Variants in ACOT1 observed in about 807,000 individuals in gnomAD.
ACOT1 encodes the protein acyl-coenzyme A thioesterase 1.
In ACOT1, 8 loss-of-function variants were observed where a neutral mutation model predicts 15.7. The observed-to-expected ratio is 0.51, with a 90% confidence interval of 0.30 to 0.92. The LOEUF is 0.92. Among genes scored for constraint, ACOT1 ranks in the 40% least tolerant of loss-of-function variants. The probability of loss-of-function intolerance (pLI) is 0.06; values close to 1 mark genes in which losing one functional copy is unlikely to be tolerated. For synonymous variants in ACOT1, 67 were observed against 241.2 expected (o/e 0.28, Z 6.69); for missense variants, 151 against 539.4 (o/e 0.28, Z 7.13).
chr14:73,499,253 G>C, the ACOT1 span: 35 of 871,976 alleles, frequency 4.0e-5, no homozygotes, highest in East Asian at 8.6e-4. Flanking sequence ...TGCCAAGGTG[G>C]GCGGATCACT....
At chr14:73,533,675 A>G (rs1226666512), upstream of ACOT1, among the ~76,000 whole-genome samples, 1 of 110,146 alleles carries the variant, frequency 9.1e-6, no homozygotes, top group African/African-American at 3.0e-5. Context: ...GCAAGACTCC[A>G]AAAGTTCTGG....
chr14:73,530,794 ATTT>A, the ACOT1 span, among the ~76,000 whole-genome samples: 623 of 56,912 alleles, frequency 0.011, 4 homozygotes, highest in East Asian at 0.018. Flanking sequence ...TCTCGGTTAA[ATTT>A]TTTTTTTTTT....
the ACOT1 span, among the ~76,000 whole-genome samples, chr14:73,524,606 G>A: frequency 1.3e-5 from 2 of 150,164 alleles, no homozygotes; most frequent in South Asian, 4.3e-4. Flanking sequence ...GTTCAGAGAG[G>A]TAGGTAAATT....
chr14:73,494,557 G>GT, the ACOT1 span, among the ~76,000 whole-genome samples: 1 of 151,986 alleles, frequency 6.6e-6, no homozygotes, highest in Non-Finnish European at 1.5e-5. Context: ...TTGTTTGTTT[G>GT]TTTTTTTGTT....
chr14:73,506,802 C>CTTTTTTTTTTTTTTTT, the ACOT1 span, among the ~76,000 whole-genome samples: 2 of 58,024 alleles, frequency 3.4e-5, no homozygotes, highest in Non-Finnish European at 5.7e-5. Flanking sequence ...CTGACTTTAA[C>CTTTTTTTTTTTTTTTT]TGTTTTTTTT....
At chr14:73,500,740 A>C in the ACOT1 span, 1 of 1,610,084 alleles carries the variant, frequency 6.2e-7, no homozygotes, top group Non-Finnish European at 8.5e-7. Context: ...CCTGTAAGGC[A>C]CAAGTTGCTT....
At chr14:73,527,663 T>C in the ACOT1 span, among the ~76,000 whole-genome samples, 1 of 151,886 alleles carries the variant, frequency 6.6e-6, no homozygotes, top group African/African-American at 2.4e-5. Context: ...ATTGGTGAGC[T>C]TGAAGACAGG....
chr14:73,535,497 T>C (rs1287277233), upstream of ACOT1, among the ~76,000 whole-genome samples: 122 of 56,942 alleles, frequency 2.1e-3, 29 homozygotes, highest in African/African-American at 9.0e-3. Context: ...TTTTTTTTTT[T>C]TTTTTTTTTT....
At chr14:73,497,915 C>G in the ACOT1 span, among the ~76,000 whole-genome samples, 1 of 152,200 alleles carries the variant, frequency 6.6e-6, no homozygotes, top group African/African-American at 2.4e-5. Flanking sequence ...CGTGAGTCAT[C>G]ACACCCGGCC....
chr14:73,496,591 A>G, the ACOT1 span: 1 of 1,568,306 alleles, frequency 6.4e-7, no homozygotes, highest in Non-Finnish European at 8.8e-7. Flanking sequence ...CAGAGCTTGC[A>G]CTTATTTACC....
chr14:73,524,293 CAA>C, the ACOT1 span, among the ~76,000 whole-genome samples: 9,765 of 55,670 alleles, frequency 0.18, 549 homozygotes, highest in Middle Eastern at 0.36. Flanking sequence ...AACTCCGTCT[CAA>C]AAAAAAAAAA....
At chr14:73,498,469 G>A in the ACOT1 span, 2 of 810,860 alleles carry the variant, frequency 2.5e-6, no homozygotes, top group South Asian at 3.8e-5. Flanking sequence ...TAGAATTTTA[G>A]GGATAGGTCA....
the ACOT1 span, among the ~76,000 whole-genome samples, chr14:73,531,918 G>C: frequency 8.7e-6 from 1 of 114,442 alleles, no homozygotes; most frequent in African/African-American, 2.8e-5. Flanking sequence ...TGTAATCCCA[G>C]CTACTTGGGA....
the ACOT1 span, chr14:73,492,368 C>T: frequency 6.2e-7 from 1 of 1,613,690 alleles, no homozygotes; most frequent in Non-Finnish European, 8.5e-7. This position sits in a 1 kb window ranked among gnomAD's most constrained non-coding sequence, Gnocchi z 4.9. Context: ...TGTGGAGTTT[C>T]GGAGGGGTCT....
chr14:73,497,149 G>A, the ACOT1 span, among the ~76,000 whole-genome samples: 1 of 152,142 alleles, frequency 6.6e-6, no homozygotes, highest in Non-Finnish European at 1.5e-5. Context: ...ACCCGCCTTG[G>A]CCTCCCAAAG....
At chr14:73,513,117 G>A in the ACOT1 span, among the ~76,000 whole-genome samples, 1 of 152,200 alleles carries the variant, frequency 6.6e-6, no homozygotes, top group East Asian at 1.9e-4. Flanking sequence ...AGCATATTTT[G>A]TTCTTCCCTT....
chr14:73,529,746 G>A, the ACOT1 span, among the ~76,000 whole-genome samples: 1 of 152,168 alleles, frequency 6.6e-6, no homozygotes, highest in Admixed American at 6.6e-5. Context: ...TGTGCTAAAA[G>A]GAGTAATATC....
the ACOT1 span, among the ~76,000 whole-genome samples, chr14:73,528,230 A>T: frequency 6.6e-6 from 1 of 151,810 alleles, no homozygotes; most frequent in Non-Finnish European, 1.5e-5. Context: ...CCCCATCTCT[A>T]CTAAAAATAC....
the ACOT1 span, among the ~76,000 whole-genome samples, chr14:73,528,174 C>T: frequency 1.3e-5 from 2 of 151,834 alleles, no homozygotes; most frequent in Non-Finnish European, 2.9e-5. Flanking sequence ...GTGGGCAGAT[C>T]ACCTGAGGTC....
Sources: gnomAD v4.1 joint callset for allele counts (sites outside exome capture counted in the v4.1 genomes callset) on GRCh38, gnomAD v4.1.1 for gene constraint, Gnocchi (gnomAD v3.1) non-coding constraint, MANE v1.5 for transcripts, NCBI Gene and HGNC (gene_info 2026-07-23, HGNC 2026-07-21) for gene names.